BCAR3: variants seen among roughly 807,000 people sequenced by gnomAD.
BCAR3 encodes the protein breast cancer anti-estrogen resistance protein 3.
In BCAR3, 37 loss-of-function variants were observed where a neutral mutation model predicts 80.1. That is an observed-to-expected ratio of 0.46 (90% CI 0.36 to 0.61). BCAR3 has a LOEUF of 0.61. Ranked by LOEUF, BCAR3 falls within the 20% of genes least tolerant of loss-of-function variation. The pLI, the probability that BCAR3 is intolerant of heterozygous loss-of-function variation, is 0.00. For synonymous variants in BCAR3, 389 were observed against 418.9 expected, an observed-to-expected ratio of 0.93 and a Z score of 0.87; for missense variants, 978 against 1,068.2, an observed-to-expected ratio of 0.92 and a Z score of 1.18.
chr1:93,834,743 C>G (rs1300706261), intron 2 of BCAR3, among the ~76,000 whole-genome samples: 1 of 152,218 alleles, frequency 6.6e-6, no homozygotes. Context: ...TTCCTCACAT[C>G]TGATGCACAT....
At chr1:93,641,270 T>C (rs762849382) in intron 3 of BCAR3, among the ~76,000 whole-genome samples, 4 of 152,168 alleles carry the variant, frequency 2.6e-5, no homozygotes, top group Non-Finnish European at 5.9e-5. Context: ...TCTGGTCTTT[T>C]AAAGAGGGAG....
chr1:93,824,147 T>A (rs1654309318), intron 2 of BCAR3, among the ~76,000 whole-genome samples: 2 of 134,096 alleles, frequency 1.5e-5, no homozygotes, highest in African/African-American at 5.0e-5. Flanking sequence ...ACAAGAACCC[T>A]CAGCCACTAC....
At chr1:93,634,114 C>A (rs140672926) in intron 3 of BCAR3, among the ~76,000 whole-genome samples, 1 of 152,360 alleles carries the variant, frequency 6.6e-6, no homozygotes, top group East Asian at 1.9e-4. Context: ...AACCTCTTTT[C>A]AACCATTTAT....
chr1:93,639,177 C>T (rs1018134153), intron 3 of BCAR3, among the ~76,000 whole-genome samples: 8 of 152,264 alleles, frequency 5.3e-5, no homozygotes, highest in Non-Finnish European at 1.0e-4. Flanking sequence ...GCTAAGCAAC[C>T]GAGAAACCGG....
At chr1:93,565,567 A>G (rs897972960) in intron 11 of BCAR3, among the ~76,000 whole-genome samples, 1 of 152,234 alleles carries the variant, frequency 6.6e-6, no homozygotes, top group Non-Finnish European at 1.5e-5. Flanking sequence ...AGAGCAGCTT[A>G]TGGCACACTT....
At position 93,571,689 on chromosome 1, in the gene BCAR3, T is replaced by C; in HGVS notation, c.1955A>G (p.Lys652Arg). 1 of 1,614,166 alleles carries C rather than the reference T, an allele frequency of 6.2e-7. No individual in the cohort carries two copies. Among genetic ancestry groups the C allele is most frequent in the Non-Finnish European group, 8.5e-7 (1 of 1,180,022 alleles). ...ATTTACCTGTGGCATTTCCAGGGCTTTCATGAGAGCTGAGAAGGAATAGAG... is the reference window on the plus strand; with the variant it reads ...ATTTACCTGTGGCATTTCCAGGGCTCTCATGAGAGCTGAGAAGGAATAGAG... ...GDLYSFSALM[K>R]ALEMPQITRL... is the part of the protein sequence containing the mutation. The change falls in exon 9 of 12, where the codon AAA (lysine) becomes AGA (arginine). Residue 652 changes from lysine (K) to arginine (R), a missense_variant. By Grantham distance (26) the Lys-to-Arg change is conservative (BLOSUM62 2). Coordinates refer to ENST00000260502, the MANE Select transcript of BCAR3 (RefSeq NM_003567.4).
intron 3 of BCAR3, chr1:93,599,157 C>T (rs1570954030): frequency 6.6e-6 from 1 of 152,208 alleles, no homozygotes; most frequent in South Asian, 2.1e-4. Flanking sequence ...TGGGATTTTT[C>T]TAGATGGAAC....
intron 2 of BCAR3, among the ~76,000 whole-genome samples, chr1:93,671,053 C>A (rs187819910): frequency 6.6e-6 from 1 of 152,088 alleles, no homozygotes; most frequent in African/African-American, 2.4e-5. Flanking sequence ...AGTGCAGTGG[C>A]GTGATCTCAG....
chr1:93,832,814 AG>A (rs1654620091), intron 2 of BCAR3, among the ~76,000 whole-genome samples: 1 of 152,142 alleles, frequency 6.6e-6, no homozygotes, highest in African/African-American at 2.4e-5. Context: ...CTCGCTTATT[AG>A]GTAGAGACAT....
intron 2 of BCAR3, among the ~76,000 whole-genome samples, chr1:93,821,783 G>A (rs963231647): frequency 1.3e-5 from 2 of 152,132 alleles, no homozygotes; most frequent in African/African-American, 4.8e-5. Context: ...ATTTAATGAA[G>A]TAGGTACTAT....
intron 2 of BCAR3, among the ~76,000 whole-genome samples, chr1:93,838,017 G>A (rs566797257): frequency 7.2e-5 from 11 of 152,288 alleles, no homozygotes; most frequent in South Asian, 4.1e-4. Context: ...ATTATTGTTC[G>A]CCACAGGCTT....
chr1:93,717,585 G>A (rs1005000621), intron 2 of BCAR3, among the ~76,000 whole-genome samples: 7 of 152,036 alleles, frequency 4.6e-5, no homozygotes, highest in African/African-American at 1.7e-4. Flanking sequence ...AAAATTAGCT[G>A]GGCATGGTGG....
In BCAR3 at chr1:93,714,335, C is replaced by G. The variant is rs368778901; in HGVS notation, c.-62-8193G>C. ...CACTGAAATGTATTTCTTCCCATAT[C>G]GCCTTCTGTCTCTAGGTTGGCAGTC... On this transcript the variant is annotated intron_variant, in intron 2 of 13. Coordinates refer to the BCAR3 transcript ENST00000370244. 2.1e-4 allele frequency among the ~76,000 whole-genome samples: 32 copies of G among 152,318 alleles called. No individual in the cohort carries two copies. In the East Asian group the frequency reaches 4.2e-3, roughly 20 times the overall value.
At chr1:93,619,626 A>G (rs1043864978) in intron 3 of BCAR3, among the ~76,000 whole-genome samples, 65 of 152,314 alleles carry the variant, frequency 4.3e-4, no homozygotes, top group African/African-American at 1.4e-3. Context: ...AACGACCACA[A>G]AGCCCTTCAG....
rs1358809609 is a variant in BCAR3, at chr1:93,571,701, G to A, written c.1943C>T (p.Ser648Leu). The change falls in exon 9 of 12, where the codon TCA (serine) becomes TTA (leucine). Residue 648 changes from serine to leucine, a missense_variant. Coordinates refer to ENST00000260502, the MANE Select transcript of BCAR3 (RefSeq NM_003567.4). ...CATTTCCAGGGCTTTCATGAGAGCT[G>A]AGAAGGAATAGAGGTCCCCCATGGA... is the stretch of plus-strand genomic sequence containing the variant. ...KDSMGDLYSF[S>L]ALMKALEMPQ... 2 of 1,614,158 alleles carry A rather than the reference G, an allele frequency of 1.2e-6. No individual in the cohort carries two copies. The highest frequency in any genetic ancestry group is 1.6e-4 in the Middle Eastern group (1 of 6,062).
intron 2 of BCAR3, among the ~76,000 whole-genome samples, chr1:93,809,293 G>T: frequency 6.6e-6 from 1 of 151,642 alleles, no homozygotes; most frequent in East Asian, 1.9e-4. Flanking sequence ...AAAGAATAAA[G>T]ATGCTAAATT....
At position 93,592,232 on chromosome 1, in the gene BCAR3, C is replaced by T. The variant is rs200081746; in HGVS notation, c.486+33G>A. ...AATCTGTACATTGCCTGAGAGCAGC[C>T]GTGTATGCTCTGGAAGGGACAAGAC... On this transcript the variant is annotated intron_variant, in intron 4 of 11. Coordinates refer to ENST00000260502, the MANE Select transcript of BCAR3 (RefSeq NM_003567.4). This position sits in a 1 kb window ranked among gnomAD's most constrained non-coding sequence, Gnocchi z 4.8. 24 of 1,612,568 alleles carry T rather than the reference C, an allele frequency of 1.5e-5. No individual in the cohort carries two copies. In the South Asian group the frequency reaches 2.1e-4, roughly 14 times the overall value.
chr1:93,667,238 G>A (rs932587982), intron 2 of BCAR3, among the ~76,000 whole-genome samples: 10 of 152,212 alleles, frequency 6.6e-5, no homozygotes, highest in Non-Finnish European at 1.3e-4. Context: ...AGCTGAGCAG[G>A]AGAAGAAGAA....
intron 2 of BCAR3, among the ~76,000 whole-genome samples, chr1:93,769,311 T>C (rs2747038): frequency 0.6 from 91,128 of 150,930 alleles, 28,727 homozygotes; most frequent in East Asian, 0.79. Flanking sequence ...AGAGCCAAGT[T>C]GGACACAGGT....
Sources: allele counts gnomAD v4.1 joint callset (sites outside exome capture counted in the v4.1 genomes callset), GRCh38; gene constraint gnomAD v4.1.1; non-coding constraint Gnocchi (gnomAD v3.1); transcripts MANE v1.5; gene names NCBI Gene and HGNC (gene_info 2026-07-23, HGNC 2026-07-21).